The following THAP3 variants were observed in gnomAD, a reference collection of about 807,000 sequenced individuals.
THAP3 encodes THAP domain-containing protein 3.
THAP3 carries 12 observed loss-of-function variants against 17.7 expected under a neutral mutation model. That is an observed-to-expected ratio of 0.68 (90% confidence interval 0.43 to 1.10). The LOEUF is 1.10. Ranked by LOEUF, THAP3 falls within the 50% of genes least tolerant of loss-of-function variation. The pLI, the probability that THAP3 is intolerant of heterozygous loss-of-function variation, is 0.00. For missense variants in THAP3, 289 were observed against 318.0 expected, an observed-to-expected ratio of 0.91 and a Z score of 0.69; for synonymous variants, 133 against 126.9, an observed-to-expected ratio of 1.05 and a Z score of -0.32.
chr1:6,630,227 G>T, intron 3 of THAP3, 61 bp from the exon 4 acceptor site: 1 of 1,485,190 alleles, frequency 6.7e-7, no homozygotes, highest in East Asian at 2.3e-5. Flanking sequence ...GATGCCCGAG[G>T]CCTGCCCCGA....
At chr1:6,634,972 C>A, downstream of THAP3, 2 of 898,242 alleles carry the variant, frequency 2.2e-6, no homozygotes, top group Non-Finnish European at 2.9e-6. Context: ...CGTTTTCCCA[C>A]CGGGATACGG....
downstream of THAP3, chr1:6,635,466 G>T (rs1439462367): frequency 5.4e-6 from 3 of 560,234 alleles, no homozygotes; most frequent in Non-Finnish European, 9.5e-6. Context: ...CTGCAGTCTG[G>T]TTCCCAGTGG....
intron 4 of THAP3, 137 bp from the exon 5 acceptor site, chr1:6,632,254 A>C (rs1381667999): frequency 8.8e-7 from 1 of 1,131,890 alleles, no homozygotes; most frequent in Non-Finnish European, 1.3e-6. Context: ...TGTGCTAGGG[A>C]GAAGCTGGCT....
At chr1:6,627,673 A>C (rs555653317) in intron 2 of THAP3, 1 of 152,380 alleles carries the variant, frequency 6.6e-6, no homozygotes, top group South Asian at 2.1e-4. Context: ...CTGCTACAAA[A>C]CAAACTTCTG....
chr1:6,630,384 T>C lies in THAP3; in HGVS notation c.333+31T>C, dbSNP rs559187170. On this transcript the variant is annotated intron_variant, in intron 4 of 5. Transcript: ENST00000054650. ...TGCACCGGGCCAGGTACTTGAATGT[T>C]TAAATTATGCTGTGGGTTGAGACAG... 5 of 1,609,640 alleles carry C rather than the reference T, an allele frequency of 3.1e-6. No homozygotes were observed. The Admixed American group carries it at 6.7e-5, about 21-fold the overall frequency.
intron 4 of THAP3, among the ~76,000 whole-genome samples, chr1:6,630,655 A>T (rs1357942862): frequency 6.6e-6 from 1 of 151,744 alleles, no homozygotes. Flanking sequence ...GCGCACTGCA[A>T]CCTCTTCCAG....
chr1:6,630,221 C>G, intron 3 of THAP3, 67 bp from the exon 4 acceptor site: 3 of 1,417,464 alleles, frequency 2.1e-6, no homozygotes, highest in Non-Finnish European at 3.0e-6. Flanking sequence ...AAGCATGATG[C>G]CCGAGGCCTG....
At chr1:6,635,472 A>C, downstream of THAP3, 2 of 570,880 alleles carry the variant, frequency 3.5e-6, no homozygotes, top group Non-Finnish European at 6.2e-6. Flanking sequence ...TCTGGTTCCC[A>C]GTGGGGCTGC....
downstream of THAP3, chr1:6,634,507 G>GC (rs753742546): frequency 1.4e-5 from 19 of 1,349,724 alleles, no homozygotes; most frequent in East Asian, 9.4e-5. Flanking sequence ...GCAGCTTGGG[G>GC]CCCCCCGCGC....
chr1:6,627,625 A>G (rs1309230298), intron 2 of THAP3: 1 of 152,382 alleles, frequency 6.6e-6, no homozygotes, highest in Non-Finnish European at 1.5e-5. Context: ...TTGGCCTCCC[A>G]AAGTGCTGGG....
chr1:6,625,215 C>G lies in THAP3; in HGVS notation c.-4C>G, dbSNP rs761035629. 11 of 1,541,026 alleles carry G rather than the reference C, an allele frequency of 7.1e-6. No individual in the cohort carries two copies. The Admixed American group carries it at 1.2e-4, about 17-fold the overall frequency. On this transcript the variant is annotated 5_prime_UTR_variant, in exon 2 of 6. Transcript: ENST00000054650. ...TTGTTGGGGGCAGCCAGGCCTGGCT[C>G]GAGATGCCGAAGTCGTGCGCGGCCC... is the stretch of plus-strand genomic sequence containing the variant.
At position 6,632,377 on chromosome 1, in the gene THAP3, C is replaced by T. The variant is rs758613468; in HGVS notation, c.334-14C>T. On this transcript the variant is annotated splice_polypyrimidine_tract_variant and intron_variant, in intron 4 of 5. Coordinates refer to ENST00000054650, the MANE Select transcript of THAP3 (RefSeq NM_001195753.2). The stretch of plus-strand genomic sequence containing the variant: ...TGCAGGGCTGTAGTGCAGACTTCAC[C>T]CTGCCGTTCCCAGGTCCTCCCTGAG... 3.1e-6 allele frequency: 5 copies of T among 1,613,032 alleles called. No homozygotes were observed. Among genetic ancestry groups the T allele is most frequent in the Admixed American group, 3.3e-5 (2 of 59,996 alleles).
intron 2 of THAP3, among the ~76,000 whole-genome samples, chr1:6,627,469 A>G (rs1042942770): frequency 2.6e-5 from 4 of 152,152 alleles, no homozygotes; most frequent in African/African-American, 9.7e-5. Context: ...GGTTCAGGTG[A>G]TTCTTGTGCC....
At chr1:6,628,769 C>T (rs1291467006) in intron 3 of THAP3, 78 bp downstream of exon 3, 17 of 1,446,714 alleles carry the variant, frequency 1.2e-5, no homozygotes, top group African/African-American at 4.2e-5. Context: ...GTGGGGGTGG[C>T]GGCATGTGTG....
In THAP3 at chr1:6,625,266, C is replaced by T. The variant is rs1365156756; in HGVS notation, c.48C>T (p.Ser16=). Reference sequence around the variant, plus strand: ...GGCAGTGCTGCAACCGCTACAGCAGCCGCAGGAAGCAGCTCACCTTCCACC... The same window carrying T: ...GGCAGTGCTGCAACCGCTACAGCAGTCGCAGGAAGCAGCTCACCTTCCACC... ...AARQCCNRYS[S]RRKQLTFHRF... The change falls in exon 2 of 6, where the codon AGC becomes AGT. Residue 16 remains serine, a synonymous_variant. Transcript: ENST00000054650. The T allele has an allele frequency of 6.5e-7, 1 of 1,545,204 alleles. No homozygotes were observed.
intron 2 of THAP3, 81 bp downstream of exon 2, chr1:6,625,373 G>T (rs919644729): frequency 4.4e-6 from 6 of 1,370,602 alleles, no homozygotes. Flanking sequence ...CGCGCCGGGC[G>T]GGAGGCCCAA....
chr1:6,631,737 A>G (rs529243380), intron 4 of THAP3, among the ~76,000 whole-genome samples: 2 of 152,242 alleles, frequency 1.3e-5, no homozygotes, highest in Admixed American at 6.5e-5. Context: ...CTCTACTAAA[A>G]ATACAAAAAT....
intron 2 of THAP3, among the ~76,000 whole-genome samples, chr1:6,626,953 GC>G (rs768028330): frequency 1.2e-4 from 19 of 152,256 alleles, no homozygotes; most frequent in Non-Finnish European, 2.2e-4. Context: ...GGATGGAGTT[GC>G]TGCGCCTTCT....
intron 3 of THAP3, 80 bp downstream of exon 3, chr1:6,628,771 G>T: frequency 7.0e-7 from 1 of 1,430,254 alleles, no homozygotes; most frequent in Non-Finnish European, 9.4e-7. Flanking sequence ...GGGGGTGGCG[G>T]CATGTGTGGG....
Sources: allele counts gnomAD v4.1 joint callset (sites outside exome capture counted in the v4.1 genomes callset), GRCh38; gene constraint gnomAD v4.1.1; transcripts MANE v1.5; gene names NCBI Gene and HGNC (gene_info 2026-07-23, HGNC 2026-07-21).